Variants in VPS13B observed in about 807,000 individuals in gnomAD.
VPS13B encodes the protein intermembrane lipid transfer protein VPS13B.
VPS13B carries 285 observed loss-of-function variants against 426.4 expected under a neutral mutation model. The observed-to-expected ratio is 0.67, with a 90% CI of 0.61 to 0.74. The LOEUF (loss-of-function observed/expected upper bound fraction) is 0.74, where lower values mean the gene tolerates loss of function less well. Ranked by LOEUF, VPS13B falls within the 30% of genes least tolerant of loss-of-function variation. The pLI is 0.00. For missense variants in VPS13B, 4,537 were observed against 4,782.6 expected (o/e 0.95, Z 1.51); for synonymous variants, 1,676 against 1,676.4 (o/e 1.00, Z 0.01).
chr8:99,395,503 T>C (rs768415022), intron 21 of VPS13B, among the ~76,000 whole-genome samples: 23 of 152,152 alleles, frequency 1.5e-4, no homozygotes, highest in African/African-American at 3.6e-4. Context: ...TAGGCCTCAG[T>C]AGTGGGGCTA....
chr8:99,624,377 T>C (rs1461219144), intron 33 of VPS13B, among the ~76,000 whole-genome samples: 1 of 152,158 alleles, frequency 6.6e-6, no homozygotes, highest in African/African-American at 2.4e-5. Context: ...TGTGGCCTGA[T>C]GATGTTTAGA....
intron 7 of VPS13B, among the ~76,000 whole-genome samples, chr8:99,119,847 G>A (rs922326193): frequency 6.6e-6 from 1 of 151,920 alleles, no homozygotes; most frequent in Non-Finnish European, 1.5e-5. Context: ...GAGTGAATAT[G>A]CTGGAGACTA....
intron 43 of VPS13B, among the ~76,000 whole-genome samples, chr8:99,788,530 CTT>C (rs1812385657): frequency 6.6e-6 from 1 of 151,808 alleles, no homozygotes; most frequent in Admixed American, 6.6e-5. Flanking sequence ...AGGTGGCAAA[CTT>C]TTCCTGTAAA....
At chr8:99,124,210 T>C (rs929567442) in intron 8 of VPS13B, among the ~76,000 whole-genome samples, 6 of 152,156 alleles carry the variant, frequency 3.9e-5, no homozygotes, top group Non-Finnish European at 7.3e-5. Flanking sequence ...TAAGAATGGA[T>C]CCTTGGATTT....
intron 56 of VPS13B, among the ~76,000 whole-genome samples, chr8:99,857,301 G>T (rs1326069968): frequency 1.3e-5 from 2 of 152,192 alleles, no homozygotes; most frequent in South Asian, 2.1e-4. Flanking sequence ...ACCTGAACAG[G>T]CCTGTCGTGG....
At chr8:99,134,593 T>C in intron 8 of VPS13B, 39 bp from the exon 9 acceptor site, 1 of 1,462,538 alleles carries the variant, frequency 6.8e-7, no homozygotes, top group Non-Finnish European at 9.5e-7. Context: ...TGCTCTTTAA[T>C]ACTAAATTTG....
chr8:99,524,112 A>G (rs77968816), intron 30 of VPS13B, among the ~76,000 whole-genome samples: 9,931 of 152,166 alleles, frequency 0.065, 444 homozygotes, highest in African/African-American at 0.13. Context: ...TGAATGCATC[A>G]GAGTCTCTTA....
intron 35 of VPS13B, among the ~76,000 whole-genome samples, chr8:99,681,940 C>T (rs1034820244): frequency 1.3e-5 from 2 of 152,082 alleles, no homozygotes; most frequent in African/African-American, 4.8e-5. Context: ...GAGAAAGGGT[C>T]GTCCAGAAAC....
chr8:99,821,321 G>A lies in VPS13B; in HGVS notation c.9022G>A (p.Ala3008Thr). The change falls in exon 50 of 62, where the codon GCA (alanine) becomes ACA (threonine). Residue 3008 changes from alanine to threonine, a missense_variant. Ala to Thr is a moderately conservative substitution (Grantham distance 58, BLOSUM62 0). Coordinates refer to ENST00000357162, the MANE Select transcript of VPS13B (RefSeq NM_152564.5). ...AGCTTTTCAAATTGGAATATACTGG[G>A]CAAATACAAACACTGTGCACAAGTC... ...QEAFQIGIYW[A>T]NTNTVHKSVA... is the part of the protein sequence containing the mutation. 2 of 1,613,612 alleles carry A rather than the reference G, an allele frequency of 1.2e-6. No individual in the cohort carries two copies. The highest frequency in any genetic ancestry group is 1.3e-5 in the African/African-American group (1 of 74,966).
chr8:99,392,056 G>A (rs368883414), intron 21 of VPS13B, among the ~76,000 whole-genome samples: 16 of 152,144 alleles, frequency 1.1e-4, no homozygotes, highest in African/African-American at 3.1e-4. Flanking sequence ...AAGCAGGATC[G>A]TATTTCTATC....
At chr8:99,780,607 A>G (rs2130687916) in intron 42 of VPS13B, among the ~76,000 whole-genome samples, 1 of 152,240 alleles carries the variant, frequency 6.6e-6, no homozygotes, top group African/African-American at 2.4e-5. Flanking sequence ...CACGTAGCAT[A>G]TTGCTGACAG....
intron 31 of VPS13B, among the ~76,000 whole-genome samples, chr8:99,561,519 A>G (rs919734662): frequency 6.6e-6 from 1 of 152,216 alleles, no homozygotes; most frequent in East Asian, 1.9e-4. Flanking sequence ...TAGAAACTGT[A>G]CTTTGCATAC....
intron 39 of VPS13B, among the ~76,000 whole-genome samples, chr8:99,760,280 G>A (rs1588689957): frequency 6.6e-6 from 1 of 152,134 alleles, no homozygotes; most frequent in African/African-American, 2.4e-5. Flanking sequence ...ACTATGCCCG[G>A]CCACTTGCCT....
intron 17 of VPS13B, among the ~76,000 whole-genome samples, chr8:99,205,069 G>T (rs1450106439): frequency 6.6e-6 from 1 of 152,142 alleles, no homozygotes; most frequent in Non-Finnish European, 1.5e-5. Context: ...GTTTATTGCA[G>T]CACTATTCGG....
At chr8:99,724,923 G>A (rs915348910) in intron 39 of VPS13B, among the ~76,000 whole-genome samples, 4 of 152,156 alleles carry the variant, frequency 2.6e-5, no homozygotes, top group Non-Finnish European at 5.9e-5. Flanking sequence ...TTGCCTTGCA[G>A]TCCCTTAGAC....
At chr8:99,407,897 T>C (rs1255428150) in intron 21 of VPS13B, among the ~76,000 whole-genome samples, 1 of 152,166 alleles carries the variant, frequency 6.6e-6, no homozygotes, top group Non-Finnish European at 1.5e-5. Flanking sequence ...TTTAAAAATC[T>C]TTTTGTGATC....
chr8:99,559,806 G>A (rs1269308332), intron 31 of VPS13B, among the ~76,000 whole-genome samples: 3 of 152,142 alleles, frequency 2.0e-5, no homozygotes, highest in Non-Finnish European at 4.4e-5. Context: ...TTTGGTTACT[G>A]TAGCCGTGTA....
In VPS13B at chr8:99,637,795, A is replaced by C. The variant is rs112086649; in HGVS notation, c.5221-4016A>C. On this transcript the variant is annotated intron_variant, in intron 33 of 61. Coordinates refer to ENST00000357162, the MANE Select transcript of VPS13B (RefSeq NM_152564.5). ...TAAATCTGTAAATCAGAAGTAAAAAATGCTCTATGCATAGAAACTATAGTT... is the reference window on the plus strand; with the variant it reads ...TAAATCTGTAAATCAGAAGTAAAAACTGCTCTATGCATAGAAACTATAGTT... Among the ~76,000 whole-genome samples, 203 of 152,288 alleles carry C rather than the reference A, an allele frequency of 1.3e-3. 1 individual carries two copies. Among genetic ancestry groups the C allele is most frequent in the African/African-American group, 4.7e-3 (195 of 41,570 alleles).
chr8:99,052,303 C>T (rs1347416396), intron 3 of VPS13B, among the ~76,000 whole-genome samples: 2 of 85,828 alleles, frequency 2.3e-5, no homozygotes, highest in African/African-American at 4.5e-5. Context: ...TGGTTTTTGT[C>T]GTTGGTTCTG....
Sources: gnomAD v4.1 joint callset for allele counts (sites outside exome capture counted in the v4.1 genomes callset) on GRCh38, gnomAD v4.1.1 for gene constraint, MANE v1.5 for transcripts, NCBI Gene and HGNC (gene_info 2026-07-23, HGNC 2026-07-21) for gene names.